AVPR2: variants seen among roughly 807,000 people sequenced by gnomAD.
The protein encoded by AVPR2 is vasopressin V2 receptor.
AVPR2 carries 3 observed loss-of-function variants against 12.0 expected under a neutral mutation model. The ratio of observed to expected loss-of-function variants is 0.25; its 90% CI spans 0.11 to 0.64. The LOEUF is 0.64. Ranked by LOEUF, AVPR2 falls within the 30% of genes least tolerant of loss-of-function variation. AVPR2 has a pLI of 0.84. For synonymous variants in AVPR2, 143 were observed against 147.5 expected (o/e 0.97, Z 0.22); for missense variants, 279 against 347.9 (o/e 0.80, Z 1.58).
chrX:153,903,260 C>CA (rs1418067422), upstream of AVPR2, among the ~76,000 whole-genome samples: 1 of 113,339 alleles, frequency 8.8e-6, no homozygotes, highest in Non-Finnish European at 1.9e-5. Flanking sequence ...TGAGGATGTG[C>CA]ATGCGCTGAG....
intron 2 of AVPR2, 47 bp from the exon 3 acceptor site, chrX:153,905,485 T>C (rs1557100365): frequency 8.8e-7 from 1 of 1,138,112 alleles, no homozygotes. Context: ...TGAGTCCCCC[T>C]GCACAGCACC....
chrX:153,904,797 C>T, intron 1 of AVPR2, 26 bp downstream of exon 1: 2 of 370,034 alleles, frequency 5.4e-6, no homozygotes, highest in Non-Finnish European at 9.6e-6. Context: ...TGCCTGCCCC[C>T]CTGCCCAGTC....
At position 153,906,300 on chromosome X, in the gene AVPR2, C is replaced by T. The variant is rs782356145; in HGVS notation, c.794C>T (p.Ala265Val). ...SPGEGAHVSA[A>V]VAKTVRMTLV... ...GGTGAGGGAGCCCACGTGTCAGCAG[C>T]TGTGGCCAAGACTGTGAGGATGACG... The change falls in exon 3 of 4, where the codon GCT (alanine) becomes GTT (valine). Residue 265 changes from alanine (A) to valine (V), a missense_variant. Physicochemically the swap from Ala to Val is moderately conservative, Grantham distance 64. Coordinates refer to ENST00000646375, the MANE Select transcript of AVPR2 (RefSeq NM_000054.7). 1 of 1,212,397 alleles carries T rather than the reference C, an allele frequency of 8.2e-7. No individual in the cohort carries two copies. Among genetic ancestry groups the T allele is most frequent in the Non-Finnish European group, 1.1e-6 (1 of 895,613 alleles).
Position 153,905,003 on chromosome X carries a change from C to A in AVPR2, c.-143C>A. ...GGCCATACTGCCACCGACACGTGCA[C>A]ACACGCCAACAGGCATCTGCCATGC... On this transcript the variant is annotated 5_prime_UTR_variant, in exon 2 of 4. Coordinates refer to ENST00000646375, the MANE Select transcript of AVPR2 (RefSeq NM_000054.7). 2.3e-6 allele frequency: 2 copies of A among 876,149 alleles called. No individual in the cohort carries two copies. The highest frequency in any genetic ancestry group is 3.4e-6 in the Non-Finnish European group (2 of 592,758). The allele number at this position is 876,149 out of a possible 1,213,427, so 72.2% of individuals were successfully genotyped here.
At chrX:153,903,588 CATGT>C (rs1216947008), upstream of AVPR2, among the ~76,000 whole-genome samples, 4 of 110,201 alleles carry the variant, frequency 3.6e-5, no homozygotes, top group Non-Finnish European at 5.7e-5. Flanking sequence ...TGGCTGTGTG[CATGT>C]ATGTATGTGG....
rs944194596 is a variant in AVPR2, at chrX:153,907,102, C to T, written c.*374C>T. ...GGCTGGGGCCAGGGGACCTTCCTGT[C>T]TCCGCCTTTCTAATCCCTCCCTCCT... On this transcript the variant is annotated 3_prime_UTR_variant, in exon 4 of 4. Transcript: ENST00000646375. 3.6e-5 allele frequency: 14 copies of T among 387,567 alleles called. No individual in the cohort carries two copies. Among genetic ancestry groups the T allele is most frequent in the Non-Finnish European group, 6.7e-5 (14 of 208,115 alleles). The allele number at this position is 387,567 out of a possible 1,213,427, so 31.9% of individuals were successfully genotyped here. A position where few individuals can be genotyped will look rare whatever the true frequency, so the allele number is the denominator to read the frequency against.
rs782629212 is a variant in AVPR2, at chrX:153,905,182, C to T, written c.25+12C>T. ...GTCCACCACTTCCGGTAAGGCTTGC[C>T]CCTCCATGAGTCCGGTGGGCAGAGT... On this transcript the variant is annotated intron_variant, in intron 2 of 3. Coordinates refer to ENST00000646375, the MANE Select transcript of AVPR2 (RefSeq NM_000054.7). 4 of 1,210,393 alleles carry T rather than the reference C, an allele frequency of 3.3e-6. No homozygotes were observed. Among genetic ancestry groups the T allele is most frequent in the Non-Finnish European group, 3.4e-6 (3 of 895,058 alleles).
chrX:153,904,180 G>T (rs1357207019), upstream of AVPR2, among the ~76,000 whole-genome samples: 4 of 112,127 alleles, frequency 3.6e-5, no homozygotes, highest in African/African-American at 6.5e-5. Flanking sequence ...ATCTCACAGG[G>T]GTTCGTGAAG....
At chrX:153,904,930 T>C in intron 1 of AVPR2, 44 bp from the exon 2 acceptor site, 1 of 508,581 alleles carries the variant, frequency 2.0e-6, no homozygotes, top group Non-Finnish European at 3.4e-6. Context: ...CTGGGTTCTG[T>C]GCATCCGTCT....
At chrX:153,904,339 G>T (rs2064948945), upstream of AVPR2, among the ~76,000 whole-genome samples, 1 of 113,000 alleles carries the variant, frequency 8.8e-6, no homozygotes, top group Admixed American at 9.3e-5. Context: ...GCCCAGCGAG[G>T]AGCAGGAGGA....
In AVPR2 at chrX:153,906,826, T is replaced by C. The variant is rs1347705485; in HGVS notation, c.*98T>C. On this transcript the variant is annotated 3_prime_UTR_variant, in exon 4 of 4. Coordinates refer to ENST00000646375, the MANE Select transcript of AVPR2 (RefSeq NM_000054.7). ...CACTGGGAGGGGGACCCGTGGAGAA[T>C]TGGCCAGAGCCTGTGGCCCCGAGGC... 1.2e-5 allele frequency: 11 copies of C among 915,395 alleles called. No individual in the cohort carries two copies. The highest frequency in any genetic ancestry group is 6.7e-5 in the East Asian group (2 of 29,661). 75.4% of individuals were successfully genotyped at this position (915,395 alleles called of 1,213,427 possible). A position where few individuals can be genotyped will look rare whatever the true frequency, so the allele number is the denominator to read the frequency against.
rs782128197 is a variant in AVPR2 at position 153,906,114 on chromosome X, G to C, written c.608G>C (p.Arg203Pro). Residue 203 changes from arginine to proline, a missense_variant, in exon 3 of 4, where the codon CGC becomes CCC. Coordinates refer to ENST00000646375, the MANE Select transcript of AVPR2 (RefSeq NM_000054.7). ...TGCTTTGCGGAGCCCTGGGGCCGTC[G>C]CACCTATGTCACCTGGATTGCCCTG... ...WACFAEPWGR[R>P]TYVTWIALMV... 7 of 1,211,185 alleles carry C rather than the reference G, an allele frequency of 5.8e-6. No individual in the cohort carries two copies. In the South Asian group the frequency reaches 7.0e-5, roughly 12 times the overall value.
chrX:153,903,625 G>A (rs2064944849), upstream of AVPR2, among the ~76,000 whole-genome samples: 1 of 111,457 alleles, frequency 9.0e-6, no homozygotes, highest in Non-Finnish European at 1.9e-5. Flanking sequence ...GCTGTCTCTG[G>A]AAAATGCCCA....
chrX:153,905,694 C>T lies in AVPR2; in HGVS notation c.188C>T (p.Ala63Val). The T allele has an allele frequency of 8.3e-7, 1 of 1,211,094 alleles. No individual in the cohort carries two copies. Among genetic ancestry groups the T allele is most frequent in the Non-Finnish European group, 1.1e-6 (1 of 895,288 alleles). ...LSNGLVLAALARRGRRGHWAP... is the reference protein window; with the variant it reads ...LSNGLVLAALVRRGRRGHWAP... The stretch of plus-strand genomic sequence containing the variant: ...AATGGCCTGGTGCTGGCGGCCCTAG[C>T]TCGGCGGGGCCGGCGGGGCCACTGG... Residue 63 changes from alanine to valine, a missense_variant, in exon 3 of 4, where the codon GCT (alanine) becomes GTT (valine). Physicochemically the swap from Ala to Val is moderately conservative, Grantham distance 64. Transcript: ENST00000646375.
At position 153,905,993 on chromosome X, in the gene AVPR2, G is replaced by T. The variant is rs782732483; in HGVS notation, c.487G>T (p.Ala163Ser). The change falls in exon 3 of 4, where the codon GCT (alanine) becomes TCT (serine). Residue 163 changes from alanine to serine, a missense_variant. Transcript: ENST00000646375. ...TCACTGGAACCGGCCGGTGCTAGTGGCTTGGGCCTTCTCGCTCCTTCTCAG... is the reference window on the plus strand; with the variant it reads ...TCACTGGAACCGGCCGGTGCTAGTGTCTTGGGCCTTCTCGCTCCTTCTCAG... ...GAHWNRPVLV[A>S]WAFSLLLSLP... 2.9e-5 allele frequency: 35 copies of T among 1,203,842 alleles called. No homozygotes were observed. The highest frequency in any genetic ancestry group is 1.1e-6 in the Non-Finnish European group (1 of 895,471).
chrX:153,905,498 C>A, intron 2 of AVPR2, 34 bp from the exon 3 acceptor site: 1 of 1,154,925 alleles, frequency 8.7e-7, no homozygotes, highest in South Asian at 1.9e-5. Flanking sequence ...ACAGCACCCT[C>A]TCTAACCAGG....
In AVPR2 at chrX:153,905,817, G is replaced by A. The variant is rs373990379; in HGVS notation, c.311G>A (p.Arg104His). Residue 104 changes from arginine (R) to histidine (H), a missense_variant, in exon 3 of 4, where the codon CGC (arginine) becomes CAC (histidine). Transcript: ENST00000646375. ...CAGCTGGCCTGGAAGGCCACCGACC[G>A]CTTCCGTGGGCCAGATGCCCTGTGT... ...LPQLAWKATD[R>H]FRGPDALCRA... 1.7e-4 allele frequency: 202 copies of A among 1,205,972 alleles called. No individual in the cohort carries two copies. Among genetic ancestry groups the A allele is most frequent in the Non-Finnish European group, 2.0e-4 (176 of 895,497 alleles).
rs781806355 is a variant in AVPR2 at position 153,906,391 on chromosome X, G to T, written c.885G>T (p.Ala295=). The T allele has an allele frequency of 2.5e-6, 3 of 1,209,154 alleles. No individual in the cohort carries two copies. The African/African-American group carries it at 5.2e-5, about 21-fold the overall frequency. ...TCTTCCTGGTGCAGCTGTGGGCCGCGTGGGACCCGGAGGCACCTCTGGAAG... is the reference window on the plus strand; with the variant it reads ...TCTTCCTGGTGCAGCTGTGGGCCGCTTGGGACCCGGAGGCACCTCTGGAAG... ...APFFLVQLWA[A]WDPEAPLEGA... The change falls in exon 3 of 4, where the codon GCG becomes GCT. Residue 295 remains alanine (A), a synonymous_variant. Coordinates refer to ENST00000646375, the MANE Select transcript of AVPR2 (RefSeq NM_000054.7).
upstream of AVPR2, chrX:153,902,954 C>T (rs1056002630): frequency 4.4e-5 from 11 of 251,079 alleles, no homozygotes; most frequent in Admixed American, 4.0e-4. Flanking sequence ...TTTCCCAAGG[C>T]CCTGCCAGTC....
Sources: gnomAD v4.1 joint callset for allele counts (sites outside exome capture counted in the v4.1 genomes callset) on GRCh38, gnomAD v4.1.1 for gene constraint, MANE v1.5 for transcripts, NCBI Gene and HGNC (gene_info 2026-07-23, HGNC 2026-07-21) for gene names.